The following CAMSAP2 variants were observed in gnomAD, a reference collection of about 807,000 sequenced individuals.
The protein encoded by CAMSAP2 is calmodulin-regulated spectrin-associated protein 2.
In CAMSAP2, 26 loss-of-function variants were observed where a neutral mutation model predicts 146.1. The observed-to-expected ratio is 0.18, with a 90% confidence interval of 0.13 to 0.25. The LOEUF is 0.25. Among genes scored for constraint, CAMSAP2 ranks in the 10% least tolerant of loss-of-function variants. The pLI, the probability that CAMSAP2 is intolerant of heterozygous loss-of-function variation, is 1.00. For missense variants in CAMSAP2, 1,381 were observed against 1,759.3 expected, an observed-to-expected ratio of 0.78 and a Z score of 3.85; for synonymous variants, 499 against 596.6, an observed-to-expected ratio of 0.84 and a Z score of 2.38.
chr1:200,845,734 A>G (rs1667443562), intron 8 of CAMSAP2, among the ~76,000 whole-genome samples: 1 of 152,216 alleles, frequency 6.6e-6, no homozygotes, highest in African/African-American at 2.4e-5. Context: ...AAGGTGCAAC[A>G]GTTACAAGCA....
intron 2 of CAMSAP2, among the ~76,000 whole-genome samples, chr1:200,789,971 G>T (rs1369508454): frequency 6.6e-6 from 1 of 152,172 alleles, no homozygotes; most frequent in Non-Finnish European, 1.5e-5. Context: ...ATATAGGAAT[G>T]TGTTTGGCTT....
rs771170528 is a variant in CAMSAP2 at position 200,853,511 on chromosome 1, A to G, written c.3823+16A>G. 2 of 1,570,650 alleles carry G rather than the reference A, an allele frequency of 1.3e-6. No individual in the cohort carries two copies. Among genetic ancestry groups the G allele is most frequent in the African/African-American group, 2.7e-5 (2 of 73,502 alleles). ...GGTCCTCCAGGTAACATAGCTTATT[A>G]TGAAGAGTCTGTTCATAAAAAACAC... On this transcript the variant is annotated intron_variant, in intron 13 of 16. Coordinates refer to ENST00000358823, the MANE Select transcript of CAMSAP2 (RefSeq NM_203459.4). The surrounding 1 kb of genome is among the most constrained non-coding windows in gnomAD (Gnocchi z 5.1).
In CAMSAP2 at chr1:200,789,656, C is replaced by T. The variant is rs1269526295; in HGVS notation, c.400-17720C>T. Among the ~76,000 whole-genome samples the T allele has an allele frequency of 2.6e-5, 4 of 152,238 alleles. No individual in the cohort carries two copies. In the East Asian group the frequency reaches 7.7e-4, roughly 29 times the overall value. On this transcript the variant is annotated intron_variant, in intron 2 of 16. Transcript: ENST00000358823. ...TTGCTATTCTAGGTCTTTTGCCTCT[C>T]CATGTAAACTTTAGATCAATTCATC...
At chr1:200,776,046 TG>T in intron 2 of CAMSAP2, among the ~76,000 whole-genome samples, 1 of 152,120 alleles carries the variant, frequency 6.6e-6, no homozygotes, top group South Asian at 2.1e-4. Flanking sequence ...GGAGTCAACA[TG>T]AGTAATAATC....
chr1:200,752,671 G>A (rs981726789), intron 1 of CAMSAP2, among the ~76,000 whole-genome samples: 1 of 150,688 alleles, frequency 6.6e-6, no homozygotes, highest in African/African-American at 2.4e-5. Flanking sequence ...AGGCTGGAGT[G>A]CAGTGGCGCC....
At chr1:200,850,859 ATTGAGTCTCTTTCTAG>A (rs1221706270) in intron 11 of CAMSAP2, among the ~76,000 whole-genome samples, 15 of 152,210 alleles carry the variant, frequency 9.9e-5, no homozygotes, top group Non-Finnish European at 2.1e-4. Flanking sequence ...CATAGCTCCA[ATTGAGTCTCTTTCTAG>A]TCAAAAATCT....
At chr1:200,775,572 C>A (rs1665247709) in intron 2 of CAMSAP2, among the ~76,000 whole-genome samples, 1 of 152,138 alleles carries the variant, frequency 6.6e-6, no homozygotes, top group Non-Finnish European at 1.5e-5. Context: ...CTCTGTTGCC[C>A]AGGCTGGAGT....
chr1:200,834,015 A>G (rs1667111839), intron 6 of CAMSAP2, among the ~76,000 whole-genome samples: 1 of 152,222 alleles, frequency 6.6e-6, no homozygotes, highest in African/African-American at 2.4e-5. Flanking sequence ...GGGTAGTATT[A>G]TTTTCTTAAT....
At chr1:200,776,415 A>G (rs1475005939) in intron 2 of CAMSAP2, among the ~76,000 whole-genome samples, 1 of 152,266 alleles carries the variant, frequency 6.6e-6, no homozygotes, top group African/African-American at 2.4e-5. Context: ...AAGTGTAGTC[A>G]TAAATGTCCT....
chr1:200,803,615 A>T (rs932545426), intron 2 of CAMSAP2, among the ~76,000 whole-genome samples: 56 of 75,890 alleles, frequency 7.4e-4, no homozygotes, highest in Admixed American at 3.6e-3. Flanking sequence ...TAAAGTTAAG[A>T]AGTAAAAAAA....
chr1:200,844,645 G>A (rs1558205717), intron 7 of CAMSAP2, 137 bp from the exon 8 acceptor site: 2 of 468,354 alleles, frequency 4.3e-6, no homozygotes, highest in South Asian at 5.2e-5. Context: ...TATTTAAGAA[G>A]AAAACTTTAT....
intron 1 of CAMSAP2, among the ~76,000 whole-genome samples, chr1:200,760,146 C>T (rs1364234004): frequency 6.6e-6 from 1 of 152,118 alleles, no homozygotes; most frequent in Non-Finnish European, 1.5e-5. Flanking sequence ...ATGTTTTAGT[C>T]GAACTTGTCA....
At position 200,785,960 on chromosome 1, in the gene CAMSAP2, G is replaced by A. The variant is rs140964664; in HGVS notation, c.400-21416G>A. The stretch of plus-strand genomic sequence containing the variant: ...CTGCCTTGGCCTCCCAAAGTGCTGG[G>A]ATTACAGGCGTGAGCCACGGCACCC... On this transcript the variant is annotated intron_variant, in intron 2 of 16. Coordinates refer to ENST00000358823, the MANE Select transcript of CAMSAP2 (RefSeq NM_203459.4). Among the ~76,000 whole-genome samples the A allele has an allele frequency of 2.4e-4, 37 of 152,332 alleles. No individual in the cohort carries two copies. The East Asian group carries it at 4.8e-3, about 20-fold the overall frequency.
intron 1 of CAMSAP2, among the ~76,000 whole-genome samples, chr1:200,751,527 C>A (rs1275521819): frequency 3.8e-5 from 4 of 104,550 alleles, no homozygotes; most frequent in Non-Finnish European, 6.9e-5. Flanking sequence ...AAGAGTGAGA[C>A]TCCATCTCAA....
At chr1:200,771,205 A>G (rs1454498937) in intron 2 of CAMSAP2, among the ~76,000 whole-genome samples, 1 of 152,282 alleles carries the variant, frequency 6.6e-6, no homozygotes, top group East Asian at 1.9e-4. Flanking sequence ...CTAAAGCATT[A>G]TTTTCTCATA....
At chr1:200,841,966 T>G in intron 6 of CAMSAP2, 28 bp from the exon 7 acceptor site, 3 of 1,492,014 alleles carry the variant, frequency 2.0e-6, no homozygotes, top group Non-Finnish European at 2.8e-6. Context: ...TTACCTAATG[T>G]AGGCTTTCTC....
rs2102985759 is a variant in CAMSAP2 at position 200,745,500 on chromosome 1, T to C, written c.139+5534T>C. Among the ~76,000 whole-genome samples the C allele has an allele frequency of 1.3e-5, 2 of 152,356 alleles. 1 individual carries two copies. Among genetic ancestry groups the C allele is most frequent in the South Asian group, 4.1e-4 (2 of 4,830 alleles). On this transcript the variant is annotated intron_variant, in intron 1 of 16. Coordinates refer to ENST00000358823, the MANE Select transcript of CAMSAP2 (RefSeq NM_203459.4). ...AAATATTATATGATAGTTCACCCTT[T>C]TTAAAATAAACAATGAGACAGATTT...
intron 1 of CAMSAP2, 65 bp downstream of exon 1, chr1:200,740,031 C>T: frequency 6.4e-7 from 1 of 1,569,004 alleles, no homozygotes; most frequent in Non-Finnish European, 8.7e-7. Flanking sequence ...GGTTTTTGTT[C>T]CCGATTCTCG....
chr1:200,836,292 G>A (rs114724814), intron 6 of CAMSAP2, among the ~76,000 whole-genome samples: 1 of 152,166 alleles, frequency 6.6e-6, no homozygotes, highest in African/African-American at 2.4e-5. Context: ...TGCAGTTTCT[G>A]TTGTTCTCTT....
Sources: allele counts gnomAD v4.1 joint callset (sites outside exome capture counted in the v4.1 genomes callset), GRCh38; gene constraint gnomAD v4.1.1; non-coding constraint Gnocchi (gnomAD v3.1); transcripts MANE v1.5; gene names NCBI Gene and HGNC (gene_info 2026-07-23, HGNC 2026-07-21).